RARS2: variants seen among roughly 807,000 people sequenced by gnomAD.
RARS2 encodes the protein arginyl-tRNA synthetase 2, mitochondrial.
In RARS2, 67 loss-of-function variants were observed where a neutral mutation model predicts 88.5. The ratio of observed to expected loss-of-function variants is 0.76; its 90% CI spans 0.62 to 0.93. The LOEUF is 0.93. Ranked by LOEUF, RARS2 falls within the 40% of genes least tolerant of loss-of-function variation. The pLI, the probability that RARS2 is intolerant of heterozygous loss-of-function variation, is 0.00. For synonymous variants in RARS2, 239 were observed against 230.3 expected (o/e 1.04, Z -0.34); for missense variants, 664 against 684.2 (o/e 0.97, Z 0.33).
chr6:87,520,299 TTAATG>T (rs1773428413), intron 12 of RARS2, 43 bp from the exon 13 acceptor site: 1 of 1,427,672 alleles, frequency 7.0e-7, no homozygotes. Context: ...TACTGACAAA[TTAATG>T]TATAAAAATA....
At chr6:87,543,318 A>C (rs577442535) in intron 7 of RARS2, among the ~76,000 whole-genome samples, 1 of 151,770 alleles carries the variant, frequency 6.6e-6, no homozygotes, top group Admixed American at 6.6e-5. Context: ...AAAAACAAAA[A>C]CAAAAACAAA....
intron 14 of RARS2, chr6:87,519,311 A>AAGGGAC (rs146499958): frequency 0.033 from 13,181 of 399,748 alleles, 303 homozygotes; most frequent in Non-Finnish European, 0.044. Context: ...TAACATAGAA[A>AAGGGAC]CTTCACGTAA....
At chr6:87,538,225 C>G (rs888475827) in intron 8 of RARS2, among the ~76,000 whole-genome samples, 1 of 152,162 alleles carries the variant, frequency 6.6e-6, no homozygotes, top group Non-Finnish European at 1.5e-5. Flanking sequence ...ATGGTCTTGT[C>G]GTCTATTACA....
In RARS2 at chr6:87,529,505, C is replaced by G. The variant is rs146607200; in HGVS notation, c.878+37G>C. Reference sequence around the variant, plus strand: ...ATACATCAATAACAATTTCAAAGAACAAATAATTTTACTGAAGAATAGTAA... The same window carrying G: ...ATACATCAATAACAATTTCAAAGAAGAAATAATTTTACTGAAGAATAGTAA... On this transcript the variant is annotated intron_variant, in intron 10 of 19. Coordinates refer to ENST00000369536, the MANE Select transcript of RARS2 (RefSeq NM_020320.5). The G allele has an allele frequency of 3.9e-6, 5 of 1,285,924 alleles. No homozygotes were observed. The African/African-American group carries it at 4.4e-5, about 11-fold the overall frequency. 79.7% of individuals were successfully genotyped at this position (1,285,924 alleles called of 1,614,324 possible). A position where few individuals can be genotyped will look rare whatever the true frequency, so the allele number is the denominator to read the frequency against.
At chr6:87,577,789 A>G (rs961262962) in intron 1 of RARS2, among the ~76,000 whole-genome samples, 5 of 152,234 alleles carry the variant, frequency 3.3e-5, no homozygotes, top group African/African-American at 4.8e-5. Context: ...CAATGTCTTC[A>G]TCCCTTATGG....
intron 5 of RARS2, among the ~76,000 whole-genome samples, 196 bp from the exon 6 acceptor site, chr6:87,548,842 T>A (rs1201689638): frequency 6.6e-6 from 1 of 152,226 alleles, no homozygotes; most frequent in Non-Finnish European, 1.5e-5. Context: ...ATGAAATTGA[T>A]CTTGTGACTC....
chr6:87,514,224 T>C lies in RARS2; in HGVS notation c.*189A>G, dbSNP rs142177871. Among the ~76,000 whole-genome samples, 109 of 151,814 alleles carry C rather than the reference T, an allele frequency of 7.2e-4. No individual in the cohort carries two copies. The highest frequency in any genetic ancestry group is 1.5e-3 in the African/African-American group (62 of 41,392). Reference sequence around the variant, plus strand: ...TACTCAGGAGGCTGAGGCAGGAGAATTGCTTGAACCTGGGAGGTGGAGGTT... The same window carrying C: ...TACTCAGGAGGCTGAGGCAGGAGAACTGCTTGAACCTGGGAGGTGGAGGTT... On this transcript the variant is annotated 3_prime_UTR_variant, in exon 20 of 20. Coordinates refer to ENST00000369536, the MANE Select transcript of RARS2 (RefSeq NM_020320.5).
intron 2 of RARS2, among the ~76,000 whole-genome samples, chr6:87,569,098 TA>T: frequency 6.6e-6 from 1 of 152,090 alleles, no homozygotes; most frequent in Non-Finnish European, 1.5e-5. Context: ...AAAACAACAT[TA>T]AAAACCTAGT....
chr6:87,558,781 T>C (rs1786862126), intron 4 of RARS2, among the ~76,000 whole-genome samples: 1 of 152,248 alleles, frequency 6.6e-6, no homozygotes, highest in Admixed American at 6.5e-5. Context: ...AATAAAGGAC[T>C]GTACTGATTT....
intron 1 of RARS2, among the ~76,000 whole-genome samples, chr6:87,588,567 G>T (rs1031269469): frequency 5.9e-5 from 9 of 152,112 alleles, no homozygotes; most frequent in African/African-American, 2.2e-4. Context: ...TTGAGACGGG[G>T]TCTACCTATG....
chr6:87,524,950 T>C (rs1034767619), intron 10 of RARS2, among the ~76,000 whole-genome samples: 9 of 152,304 alleles, frequency 5.9e-5, no homozygotes, highest in African/African-American at 1.4e-4. Context: ...TGCAGCTGCA[T>C]TGTAACTATG....
At chr6:87,585,007 C>T (rs1358349462) in intron 1 of RARS2, among the ~76,000 whole-genome samples, 1 of 152,114 alleles carries the variant, frequency 6.6e-6, no homozygotes, top group African/African-American at 2.4e-5. Context: ...AAATCCTGCC[C>T]TTAAGTACTA....
At chr6:87,572,198 C>T (rs1182725736) in intron 1 of RARS2, among the ~76,000 whole-genome samples, 1 of 151,836 alleles carries the variant, frequency 6.6e-6, no homozygotes, top group African/African-American at 2.4e-5. Flanking sequence ...ATAGTTTTCA[C>T]AGCTGAAATA....
intron 1 of RARS2, among the ~76,000 whole-genome samples, chr6:87,583,687 G>A (rs889649368): frequency 4.0e-5 from 6 of 151,854 alleles, no homozygotes; most frequent in African/African-American, 1.2e-4. Flanking sequence ...TCATTATTTC[G>A]GAGCCAGACA....
intron 1 of RARS2, 71 bp downstream of exon 1, chr6:87,589,851 C>T (rs1235595460): frequency 1.2e-6 from 2 of 1,613,814 alleles, no homozygotes; most frequent in Non-Finnish European, 1.7e-6. Context: ...TGAGGACTGG[C>T]CCGCAGCGGT....
At chr6:87,573,629 T>C (rs1353017498) in intron 1 of RARS2, among the ~76,000 whole-genome samples, 1 of 152,120 alleles carries the variant, frequency 6.6e-6, no homozygotes, top group Non-Finnish European at 1.5e-5. Context: ...GCCACTGAAC[T>C]GTATACTTAA....
chr6:87,525,186 A>G (rs946554561), intron 10 of RARS2, among the ~76,000 whole-genome samples: 2 of 152,214 alleles, frequency 1.3e-5, no homozygotes, highest in Non-Finnish European at 2.9e-5. Context: ...TGACAGGAGA[A>G]AGTTTGCTTT....
intron 5 of RARS2, among the ~76,000 whole-genome samples, chr6:87,554,743 T>C (rs1245825548): frequency 6.6e-6 from 1 of 152,160 alleles, no homozygotes. Context: ...TGAGCCACCA[T>C]GTCTGGCCAC....
chr6:87,517,812 C>A (rs1376173181), intron 17 of RARS2, among the ~76,000 whole-genome samples: 2 of 152,162 alleles, frequency 1.3e-5, no homozygotes, highest in Non-Finnish European at 1.5e-5. Context: ...GGAAGCTGCA[C>A]AAAGGCAGGT....
Sources: allele counts gnomAD v4.1 joint callset (sites outside exome capture counted in the v4.1 genomes callset), GRCh38; gene constraint gnomAD v4.1.1; transcripts MANE v1.5; gene names NCBI Gene and HGNC (gene_info 2026-07-23, HGNC 2026-07-21).